Variants in PPP2R5E observed in about 807,000 individuals in gnomAD.
The protein encoded by PPP2R5E is serine/threonine-protein phosphatase 2A 56 kDa regulatory subunit epsilon isoform.
A neutral mutation model predicts 65.3 loss-of-function variants in PPP2R5E; 4 were observed. That is an observed-to-expected ratio of 0.06 (90% CI 0.03 to 0.14). PPP2R5E has a LOEUF of 0.14. PPP2R5E is among the 10% of genes least tolerant of loss of function. The probability of loss-of-function intolerance (pLI) is 1.00; values close to 1 mark genes in which losing one functional copy is unlikely to be tolerated. For synonymous variants in PPP2R5E, 183 were observed against 187.4 expected, an observed-to-expected ratio of 0.98 and a Z score of 0.19; for missense variants, 274 against 556.1, an observed-to-expected ratio of 0.49 and a Z score of 5.10.
intron 3 of PPP2R5E, among the ~76,000 whole-genome samples, chr14:63,449,871 T>C (rs947507858): frequency 1.6e-5 from 2 of 123,722 alleles, no homozygotes. Context: ...TTTCTTTTCC[T>C]ATTTTTTTTT....
In PPP2R5E at chr14:63,382,078, T is replaced by C; in HGVS notation, c.1282A>G (p.Thr428Ala). The part of the protein sequence containing the change: ...NSTMFDELTA[T>A]YKSDRQREKK... The stretch of plus-strand genomic sequence containing the variant: ...TACCGCTGACGATCTGACTTGTATG[T>C]GGCTGTCAGCTCGTCAAACATGGTG... The change falls in exon 13 of 14, where the codon ACA becomes GCA. Residue 428 changes from threonine to alanine, a missense_variant. Thr to Ala is a moderately conservative substitution (Grantham distance 58). Around this residue, in one of 6 missense-constraint regions of PPP2R5E, gnomAD observed 129 missense variants for 254.9 expected, o/e 0.51. Coordinates refer to ENST00000337537, the MANE Select transcript of PPP2R5E (RefSeq NM_006246.5). The C allele has an allele frequency of 6.2e-7, 1 of 1,613,762 alleles. No homozygotes were observed. The highest frequency in any genetic ancestry group is 1.1e-5 in the South Asian group (1 of 90,984).
intron 2 of PPP2R5E, among the ~76,000 whole-genome samples, chr14:63,484,343 T>TCACACACACA (rs1156834992): frequency 3.0e-5 from 4 of 133,344 alleles, no homozygotes; most frequent in African/African-American, 1.2e-4. Flanking sequence ...TTTCTCTCTC[T>TCACACACACA]CTCTCACACA....
chr14:63,523,187 C>T (rs1390741302), intron 2 of PPP2R5E, among the ~76,000 whole-genome samples: 1 of 151,056 alleles, frequency 6.6e-6, no homozygotes, highest in Admixed American at 6.6e-5. Flanking sequence ...TCTGCCCGGC[C>T]ACCACCCCAT....
chr14:63,436,298 CT>C (rs1887949490), intron 3 of PPP2R5E, among the ~76,000 whole-genome samples: 1 of 152,220 alleles, frequency 6.6e-6, no homozygotes, highest in South Asian at 2.1e-4. Flanking sequence ...AATTAAGCCT[CT>C]TGAATTGCGA....
At chr14:63,514,336 G>T (rs888832537) in intron 2 of PPP2R5E, among the ~76,000 whole-genome samples, 6 of 152,126 alleles carry the variant, frequency 3.9e-5, no homozygotes, top group Non-Finnish European at 8.8e-5. Context: ...CTTATGCCCA[G>T]AGTCTTTCAA....
intron 3 of PPP2R5E, among the ~76,000 whole-genome samples, chr14:63,444,629 A>G (rs1322751523): frequency 6.6e-6 from 1 of 152,190 alleles, no homozygotes; most frequent in Non-Finnish European, 1.5e-5. Flanking sequence ...ATGTGCAAAT[A>G]TAAACAATAT....
chr14:63,436,695 C>G (rs1410277360), intron 3 of PPP2R5E, among the ~76,000 whole-genome samples: 1 of 152,204 alleles, frequency 6.6e-6, no homozygotes, highest in South Asian at 2.1e-4. Flanking sequence ...CAGCCCTCCC[C>G]GTTGACAGTG....
intron 7 of PPP2R5E, 140 bp from the exon 8 acceptor site, chr14:63,394,068 T>TC (rs1885187006): frequency 7.8e-6 from 3 of 386,978 alleles, no homozygotes; most frequent in East Asian, 8.2e-5. Flanking sequence ...ATTCAGAATT[T>TC]CCTTTTTTTT....
chr14:63,422,294 T>C (rs1267066777), intron 3 of PPP2R5E, among the ~76,000 whole-genome samples, 200 bp from the exon 4 acceptor site: 1 of 152,212 alleles, frequency 6.6e-6, no homozygotes, highest in Non-Finnish European at 1.5e-5. Context: ...AGCACCATCC[T>C]ACTCTCTTGA....
chr14:63,381,953 G>A (rs1282468420), intron 13 of PPP2R5E, 103 bp downstream of exon 13: 1 of 834,250 alleles, frequency 1.2e-6, no homozygotes, highest in African/African-American at 1.7e-5. Context: ...AAACAAAATT[G>A]TGCTGCTTAA....
chr14:63,453,459 T>A (rs948017322), intron 3 of PPP2R5E: 4 of 322,808 alleles, frequency 1.2e-5, no homozygotes, highest in African/African-American at 8.5e-5. Context: ...CTTCATATTT[T>A]GAAGTCATTT....
chr14:63,440,435 C>T (rs1324409939), intron 3 of PPP2R5E, among the ~76,000 whole-genome samples: 2 of 149,188 alleles, frequency 1.3e-5, no homozygotes, highest in South Asian at 2.1e-4. Flanking sequence ...AAAAAATGAA[C>T]ATTTAACCCC....
chr14:63,489,983 T>A (rs1345317582), intron 2 of PPP2R5E, among the ~76,000 whole-genome samples: 1 of 152,118 alleles, frequency 6.6e-6, no homozygotes, highest in African/African-American at 2.4e-5. Flanking sequence ...AACAAGTAGC[T>A]GAGGTAAGCA....
chr14:63,463,263 C>T (rs1889594260), intron 2 of PPP2R5E, among the ~76,000 whole-genome samples: 2 of 151,580 alleles, frequency 1.3e-5, no homozygotes. Flanking sequence ...CCTCAGCCTC[C>T]CGAGTAGCTG....
chr14:63,483,019 T>C (rs776345449), intron 2 of PPP2R5E, among the ~76,000 whole-genome samples: 3 of 152,084 alleles, frequency 2.0e-5, no homozygotes, highest in Non-Finnish European at 2.9e-5. Context: ...AAGAACATAA[T>C]ATAGGCCAGG....
At chr14:63,510,177 T>G (rs1566753073) in intron 2 of PPP2R5E, among the ~76,000 whole-genome samples, 1 of 152,134 alleles carries the variant, frequency 6.6e-6, no homozygotes, top group African/African-American at 2.4e-5. Context: ...ACAACACCGG[T>G]CCAGCTGAGC....
intron 2 of PPP2R5E, among the ~76,000 whole-genome samples, chr14:63,521,169 T>C (rs1389351113): frequency 1.3e-5 from 2 of 152,192 alleles, no homozygotes; most frequent in African/African-American, 4.8e-5. Context: ...TTCTAGAACA[T>C]CTCACTAAAC....
intron 3 of PPP2R5E, among the ~76,000 whole-genome samples, chr14:63,424,962 C>T (rs1301820948): frequency 1.3e-5 from 2 of 152,126 alleles, no homozygotes; most frequent in African/African-American, 4.8e-5. Context: ...AGAGCCGTAT[C>T]TATTGGACTT....
At chr14:63,471,166 C>A (rs374684582) in intron 2 of PPP2R5E, among the ~76,000 whole-genome samples, 9 of 152,106 alleles carry the variant, frequency 5.9e-5, no homozygotes, top group African/African-American at 1.7e-4. Flanking sequence ...CATAAAAATG[C>A]GTAAGTTTCA....
Sources: gnomAD v4.1 joint callset for allele counts (sites outside exome capture counted in the v4.1 genomes callset) on GRCh38, gnomAD v4.1.1 for gene constraint, gnomAD v4.1.1 regional missense constraint, MANE v1.5 for transcripts, NCBI Gene and HGNC (gene_info 2026-07-23, HGNC 2026-07-21) for gene names.